The following LEPR variants were observed in gnomAD, a reference collection of about 807,000 sequenced individuals.
The protein encoded by LEPR is leptin receptor, also known as OB receptor.
A neutral mutation model predicts 114.7 loss-of-function variants in LEPR; 56 were observed. The observed-to-expected ratio is 0.49, with a 90% CI of 0.39 to 0.61. The LOEUF (loss-of-function observed/expected upper bound fraction) is 0.61. LEPR is among the 20% of genes least tolerant of loss of function. The probability of loss-of-function intolerance (pLI) is 0.00; values close to 1 mark genes in which losing one functional copy is unlikely to be tolerated. For synonymous variants in LEPR, 443 were observed against 461.4 expected, an observed-to-expected ratio of 0.96 and a Z score of 0.51; for missense variants, 1,202 against 1,352.9, an observed-to-expected ratio of 0.89 and a Z score of 1.75.
chr1:65,425,688 G>C (rs538652401), intron 2 of LEPR, among the ~76,000 whole-genome samples: 1 of 152,306 alleles, frequency 6.6e-6, no homozygotes, highest in Admixed American at 6.5e-5. Context: ...ACAGGCAAAC[G>C]GTCTAGTCAG....
At chr1:65,547,975 T>A (rs1021232956) in intron 2 of LEPR, among the ~76,000 whole-genome samples, 1 of 151,590 alleles carries the variant, frequency 6.6e-6, no homozygotes, top group Non-Finnish European at 1.5e-5. Context: ...ACACACTGCT[T>A]TGAATGTGTC....
At chr1:65,578,017 T>C (rs1393138881) in intron 5 of LEPR, among the ~76,000 whole-genome samples, 1 of 151,242 alleles carries the variant, frequency 6.6e-6, no homozygotes, top group Non-Finnish European at 1.5e-5. Flanking sequence ...TGTCCATGTG[T>C]TCTCATTGTT....
rs774349028 is a variant in LEPR at position 65,510,135 on chromosome 1, G to T, written c.-20-55411G>T. ...ACAGGAAATGAAACTGACTCATATG[G>T]AGAAGCAGAGACAAGAGATAGGATT... On this transcript the variant is annotated intron_variant, in intron 2 of 19. Transcript: ENST00000349533. Among the ~76,000 whole-genome samples the T allele has an allele frequency of 2.4e-4, 37 of 152,298 alleles. 1 individual carries two copies. Among genetic ancestry groups the T allele is most frequent in the African/African-American group, 8.7e-4 (36 of 41,564 alleles).
intron 15 of LEPR, among the ~76,000 whole-genome samples, chr1:65,616,728 T>G (rs890583477): frequency 6.6e-6 from 1 of 152,136 alleles, no homozygotes; most frequent in African/African-American, 2.4e-5. Flanking sequence ...TAGCAAACCT[T>G]CTTGCATTAA....
intron 2 of LEPR, among the ~76,000 whole-genome samples, chr1:65,500,390 A>G (rs961454101): frequency 5.3e-5 from 8 of 152,096 alleles, no homozygotes; most frequent in African/African-American, 1.4e-4. Context: ...TCCCCTGACT[A>G]TAATACAGTT....
intron 6 of LEPR, among the ~76,000 whole-genome samples, chr1:65,593,518 T>A (rs1390636564): frequency 1.3e-5 from 2 of 152,154 alleles, no homozygotes; most frequent in Non-Finnish European, 2.9e-5. Context: ...CATTTAATTA[T>A]GTATAATTTA....
chr1:65,573,485 A>G (rs1337482444), intron 5 of LEPR, among the ~76,000 whole-genome samples: 2 of 152,254 alleles, frequency 1.3e-5, no homozygotes, highest in African/African-American at 4.8e-5. Context: ...TAGAAAGAGA[A>G]CAAAGATATT....
intron 2 of LEPR, among the ~76,000 whole-genome samples, chr1:65,457,073 G>A (rs1295950587): frequency 6.6e-6 from 1 of 152,064 alleles, no homozygotes; most frequent in Non-Finnish European, 1.5e-5. Context: ...ACTGCTTCAT[G>A]GGTAGTGTTT....
chr1:65,581,106 T>C (rs1277809226), intron 5 of LEPR, among the ~76,000 whole-genome samples: 7 of 152,226 alleles, frequency 4.6e-5, no homozygotes, highest in Admixed American at 4.6e-4. Context: ...CTTCAGTTTC[T>C]TGAATGCTTA....
At position 65,639,542 on chromosome 1, in the gene LEPR, A is replaced by T. The variant is rs894081184; in HGVS notation, c.*2527A>T. 1.3e-5 allele frequency: 2 copies of T among 152,210 alleles called. No homozygotes were observed. The highest frequency in any genetic ancestry group is 4.8e-5 in the African/African-American group (2 of 41,456). 9.4% of individuals were successfully genotyped at this position (152,210 alleles called of 1,614,324 possible). On this transcript the variant is annotated 3_prime_UTR_variant, in exon 20 of 20. Coordinates refer to ENST00000349533, the MANE Select transcript of LEPR (RefSeq NM_002303.6). ...ATTTAGAAAAAATTTAGAATGTTTT[A>T]TGCCTCAGAATGGTCAGGAACTTCC... is the stretch of plus-strand genomic sequence containing the variant.
At chr1:65,453,551 C>A (rs1646819821) in intron 2 of LEPR, among the ~76,000 whole-genome samples, 2 of 152,080 alleles carry the variant, frequency 1.3e-5, no homozygotes, top group South Asian at 4.2e-4. Flanking sequence ...AGTAGTCATT[C>A]AGGAGCAGGT....
At chr1:65,475,824 T>A (rs145051834) in intron 2 of LEPR, among the ~76,000 whole-genome samples, 136 of 152,086 alleles carry the variant, frequency 8.9e-4, no homozygotes, top group South Asian at 7.9e-3. Context: ...GAAACCAGCT[T>A]AGACAACATA....
At chr1:65,462,016 AGTTCT>A (rs1646951958) in intron 2 of LEPR, among the ~76,000 whole-genome samples, 1 of 152,206 alleles carries the variant, frequency 6.6e-6, no homozygotes, top group Admixed American at 6.5e-5. Flanking sequence ...TTATACATTA[AGTTCT>A]AGGGTACACG....
chr1:65,568,512 G>GTA (rs1290475823), intron 3 of LEPR, among the ~76,000 whole-genome samples: 3 of 151,658 alleles, frequency 2.0e-5, no homozygotes, highest in Admixed American at 6.6e-5. Flanking sequence ...GTGTGTGTGT[G>GTA]TGTGTGTGTG....
intron 2 of LEPR, among the ~76,000 whole-genome samples, chr1:65,512,870 C>T (rs989602700): frequency 2.0e-5 from 3 of 152,136 alleles, no homozygotes; most frequent in African/African-American, 4.8e-5. Flanking sequence ...AATTAAGCCA[C>T]GCTTTCTGAT....
intron 17 of LEPR, among the ~76,000 whole-genome samples, chr1:65,620,399 C>A (rs1284735564): frequency 6.6e-6 from 1 of 152,062 alleles, no homozygotes; most frequent in Admixed American, 6.5e-5. Flanking sequence ...CATGTATTAT[C>A]CAACAGATAT....
intron 7 of LEPR, 89 bp downstream of exon 7, chr1:65,596,682 A>G: frequency 1.8e-6 from 2 of 1,135,486 alleles, no homozygotes; most frequent in Non-Finnish European, 2.6e-6. Context: ...TGCATACTAA[A>G]TATATACATT....
At chr1:65,592,329 G>T (rs1570768995) in intron 5 of LEPR, among the ~76,000 whole-genome samples, 3 of 108,968 alleles carry the variant, frequency 2.8e-5, no homozygotes, top group East Asian at 2.4e-4. Flanking sequence ...AATTATTTTT[G>T]CTTTGGTATG....
In LEPR at chr1:65,429,974, C is replaced by T. The variant is rs777526432; in HGVS notation, c.-21+4596C>T. 4 of 1,580,320 alleles carry T rather than the reference C, an allele frequency of 2.5e-6. No individual in the cohort carries two copies. In the South Asian group the frequency reaches 4.5e-5, roughly 18 times the overall value. On this transcript the variant is annotated intron_variant, in intron 2 of 19. Transcript: ENST00000349533. ...TGCAACCAGTAGTGCCTGTCGGGAA[C>T]TGGCATATTTCTTCACTACTGGAAT...
Sources: allele counts gnomAD v4.1 joint callset (sites outside exome capture counted in the v4.1 genomes callset), GRCh38; gene constraint gnomAD v4.1.1; transcripts MANE v1.5; gene names NCBI Gene and HGNC (gene_info 2026-07-23, HGNC 2026-07-21).